CARF: variants seen among roughly 807,000 people sequenced by gnomAD.
CARF encodes calcium responsive transcription factor, also known as calcium-responsive transcription factor.
In CARF, 57 loss-of-function variants were observed where a neutral mutation model predicts 82.0. The ratio of observed to expected loss-of-function variants is 0.70; its 90% confidence interval spans 0.56 to 0.87. The LOEUF (loss-of-function observed/expected upper bound fraction) is 0.87, where lower values mean the gene tolerates loss of function less well. CARF is among the 40% of genes least tolerant of loss of function. CARF has a pLI of 0.00. For synonymous variants in CARF, 268 were observed against 290.1 expected (o/e 0.92, Z 0.77); for missense variants, 771 against 855.8 (o/e 0.90, Z 1.24).
At chr2:202,966,306 CAGCCCAAATAAAA>C (rs2059547595) in intron 9 of CARF, among the ~76,000 whole-genome samples, 1 of 152,088 alleles carries the variant, frequency 6.6e-6, no homozygotes, top group Non-Finnish European at 1.5e-5. Context: ...GCTGTATTAA[CAGCCCAAATAAAA>C]ACAAGAAAAT....
intron 8 of CARF, among the ~76,000 whole-genome samples, chr2:202,959,713 G>A (rs1426740499): frequency 6.6e-6 from 1 of 151,772 alleles, no homozygotes; most frequent in East Asian, 1.9e-4. Flanking sequence ...GGAGGCTGAC[G>A]CAGGAGAATC....
At chr2:202,972,469 G>C (rs2059829261) in intron 12 of CARF, among the ~76,000 whole-genome samples, 1 of 151,966 alleles carries the variant, frequency 6.6e-6, no homozygotes, top group East Asian at 1.9e-4. Flanking sequence ...ATGAGGTCAG[G>C]AGATCGAGAC....
chr2:202,934,291 G>A (rs1433375470), intron 3 of CARF, among the ~76,000 whole-genome samples: 4 of 151,984 alleles, frequency 2.6e-5, no homozygotes, highest in Admixed American at 6.6e-5. Context: ...AGGAACACAC[G>A]TTCTTTAATT....
rs984613293 is a variant in CARF, at chr2:202,984,294, G to A, written c.*670G>A. 6.6e-6 allele frequency: 1 copy of A among 152,160 alleles called. No individual in the cohort carries two copies. Among genetic ancestry groups the A allele is most frequent in the Non-Finnish European group, 1.5e-5 (1 of 68,024 alleles). 9.4% of individuals were successfully genotyped at this position (152,160 alleles called of 1,614,324 possible). Reference sequence around the variant, plus strand: ...TGGTTATCTAATAGAAATTTAAAGTGTCTTGGTAAGTACTGAGAATTTTTA... The same window carrying A: ...TGGTTATCTAATAGAAATTTAAAGTATCTTGGTAAGTACTGAGAATTTTTA... On this transcript the variant is annotated 3_prime_UTR_variant, in exon 17 of 17. Transcript: ENST00000438828.
chr2:202,931,215 G>A lies in CARF; in HGVS notation c.-44+6800G>A, dbSNP rs545659135. ...TCGAACTCTCGACCTTAGGTTATCCGCCTGCCTTGGCCTCCCAAAGTGCTG... is the reference window on the plus strand; with the variant it reads ...TCGAACTCTCGACCTTAGGTTATCCACCTGCCTTGGCCTCCCAAAGTGCTG... On this transcript the variant is annotated intron_variant, in intron 3 of 16. Coordinates refer to ENST00000438828, the MANE Select transcript of CARF (RefSeq NM_024744.17). Among the ~76,000 whole-genome samples, 383 of 151,996 alleles carry A rather than the reference G, an allele frequency of 2.5e-3. 2 individuals are homozygous for A. The highest frequency in any genetic ancestry group is 7.9e-3 in the African/African-American group (328 of 41,484).
intron 5 of CARF, among the ~76,000 whole-genome samples, chr2:202,943,575 T>A (rs1464438500): frequency 7.4e-6 from 1 of 135,232 alleles, no homozygotes; most frequent in Non-Finnish European, 1.5e-5. Context: ...GGAACTTACA[T>A]TTAATGGAAT....
intron 13 of CARF, among the ~76,000 whole-genome samples, chr2:202,976,091 A>C (rs62183745): frequency 0.44 from 66,579 of 151,408 alleles, 16,586 homozygotes; most frequent in Middle Eastern, 0.69. Context: ...ATCCATACAT[A>C]CATACATACA....
At chr2:202,913,802 T>C (rs914519686) in intron 1 of CARF, among the ~76,000 whole-genome samples, 11 of 152,234 alleles carry the variant, frequency 7.2e-5, no homozygotes, top group Non-Finnish European at 1.3e-4. Context: ...ATCATTAATT[T>C]GAAATTTATC....
Position 202,986,781 on chromosome 2 carries a change from G to C in CARF, c.*3157G>C, listed in dbSNP as rs2060439004. On this transcript the variant is annotated 3_prime_UTR_variant, in exon 17 of 17. Transcript: ENST00000438828. Reference sequence around the variant, plus strand: ...GTTTCATCTTCTTTATATCCTGTCAGAATACATACTTAATCATGTGGGTAT... The same window carrying C: ...GTTTCATCTTCTTTATATCCTGTCACAATACATACTTAATCATGTGGGTAT... The C allele has an allele frequency of 6.7e-6, 1 of 148,182 alleles. No individual in the cohort carries two copies. The highest frequency in any genetic ancestry group is 1.5e-5 in the Non-Finnish European group (1 of 67,258). The allele number at this position is 148,182 out of a possible 1,614,324, so 9.2% of individuals were successfully genotyped here. A position where few individuals can be genotyped will look rare whatever the true frequency, so the allele number is the denominator to read the frequency against.
At chr2:202,930,890 T>G (rs1458903698) in intron 3 of CARF, among the ~76,000 whole-genome samples, 1 of 151,952 alleles carries the variant, frequency 6.6e-6, no homozygotes, top group Non-Finnish European at 1.5e-5. Context: ...ATGATGAGGA[T>G]GAATACCTTT....
intron 3 of CARF, 141 bp from the exon 4 acceptor site, chr2:202,941,718 AT>A: frequency 2.8e-6 from 1 of 362,252 alleles, no homozygotes; most frequent in Non-Finnish European, 5.5e-6. Flanking sequence ...AAAAGTGTTA[AT>A]TTTTTAATCT....
chr2:202,934,874 G>A lies in CARF; in HGVS notation c.-43-6986G>A, dbSNP rs572731643. On this transcript the variant is annotated intron_variant, in intron 3 of 16. Coordinates refer to ENST00000438828, the MANE Select transcript of CARF (RefSeq NM_024744.17). ...GTAGATCATTTGAAGTCAGGAGTTC[G>A]ATACCAGCCTGGCCAACATGGTGAA... Among the ~76,000 whole-genome samples the A allele has an allele frequency of 2.8e-3, 422 of 151,760 alleles. 1 individual carries two copies. Among genetic ancestry groups the A allele is most frequent in the Non-Finnish European group, 4.2e-3 (283 of 67,936 alleles).
intron 14 of CARF, among the ~76,000 whole-genome samples, chr2:202,978,430 A>G (rs2060120174): frequency 6.6e-6 from 1 of 152,184 alleles, no homozygotes; most frequent in Admixed American, 6.5e-5. Flanking sequence ...AACGTATTTT[A>G]AGAGTAGAGA....
chr2:202,939,405 T>C (rs371461349), intron 3 of CARF, among the ~76,000 whole-genome samples: 4 of 152,196 alleles, frequency 2.6e-5, no homozygotes, highest in African/African-American at 9.7e-5. Flanking sequence ...TAGTTTCCAC[T>C]TAAGGTATTT....
intron 3 of CARF, among the ~76,000 whole-genome samples, chr2:202,935,432 T>C (rs926861688): frequency 1.3e-5 from 2 of 151,494 alleles, no homozygotes; most frequent in Non-Finnish European, 2.9e-5. Context: ...TACCCTTTTC[T>C]CTGACTTTGG....
intron 6 of CARF, among the ~76,000 whole-genome samples, chr2:202,953,051 C>G (rs754465820): frequency 6.6e-6 from 1 of 152,122 alleles, no homozygotes; most frequent in African/African-American, 2.4e-5. Context: ...GAGTCTCGCT[C>G]TATCCCCCAG....
At chr2:202,980,799 T>C (rs1030711997) in intron 14 of CARF, among the ~76,000 whole-genome samples, 1 of 151,482 alleles carries the variant, frequency 6.6e-6, no homozygotes, top group African/African-American at 2.4e-5. Flanking sequence ...TTAAAGTATA[T>C]TGGAAGACTT....
intron 2 of CARF, among the ~76,000 whole-genome samples, 164 bp from the exon 3 acceptor site, chr2:202,924,133 G>A (rs1486323456): frequency 6.6e-6 from 1 of 152,164 alleles, no homozygotes; most frequent in Non-Finnish European, 1.5e-5. Context: ...TAGTTGAGTT[G>A]TCTTACTGAG....
At chr2:202,931,828 A>G (rs899458847) in intron 3 of CARF, among the ~76,000 whole-genome samples, 4 of 152,242 alleles carry the variant, frequency 2.6e-5, no homozygotes, top group Admixed American at 1.3e-4. Flanking sequence ...CCAAGATGTC[A>G]GGTCTGAATA....
Sources: gnomAD v4.1 joint callset for allele counts (sites outside exome capture counted in the v4.1 genomes callset) on GRCh38, gnomAD v4.1.1 for gene constraint, MANE v1.5 for transcripts, NCBI Gene and HGNC (gene_info 2026-07-23, HGNC 2026-07-21) for gene names.